Variants in MAN2A1 observed in about 807,000 individuals in gnomAD.
MAN2A1 encodes alpha-mannosidase 2.
Under a neutral mutation model 142.6 loss-of-function variants are expected in MAN2A1, and 76 were observed. The observed-to-expected ratio is 0.53, with a 90% CI of 0.44 to 0.65. MAN2A1 has a LOEUF of 0.65. Ranked by LOEUF, MAN2A1 falls within the 30% of genes least tolerant of loss-of-function variation. The pLI, the probability that MAN2A1 is intolerant of heterozygous loss-of-function variation, is 0.00. For synonymous variants in MAN2A1, 559 were observed against 473.2 expected (o/e 1.18, Z -2.35); for missense variants, 1,311 against 1,365.1 (o/e 0.96, Z 0.62).
At chr5:109,749,934 T>C (rs1353007017) in intron 4 of MAN2A1, among the ~76,000 whole-genome samples, 1 of 152,074 alleles carries the variant, frequency 6.6e-6, no homozygotes, top group East Asian at 1.9e-4. Flanking sequence ...GTCTTGAATG[T>C]ACAGCTACAA....
chr5:109,766,238 TG>T (rs2112644161), intron 5 of MAN2A1, among the ~76,000 whole-genome samples: 1 of 152,300 alleles, frequency 6.6e-6, no homozygotes, highest in Non-Finnish European at 1.5e-5. Flanking sequence ...GTGAAAATTC[TG>T]GCTCCCTTGT....
intron 8 of MAN2A1, among the ~76,000 whole-genome samples, 190 bp downstream of exon 8, chr5:109,775,155 C>A (rs907715919): frequency 6.6e-6 from 1 of 152,066 alleles, no homozygotes; most frequent in Admixed American, 6.6e-5. Flanking sequence ...AAAGTTGTCC[C>A]GTTCCTAACA....
At chr5:109,801,546 A>G (rs374876188) in intron 12 of MAN2A1, among the ~76,000 whole-genome samples, 3 of 152,126 alleles carry the variant, frequency 2.0e-5, no homozygotes, top group Admixed American at 6.6e-5. Context: ...GGAGAAAGAG[A>G]TAATGGTTGT....
chr5:109,839,244 A>G (rs1755135513), intron 16 of MAN2A1, among the ~76,000 whole-genome samples: 2 of 152,176 alleles, frequency 1.3e-5, no homozygotes, highest in Non-Finnish European at 2.9e-5. Flanking sequence ...TTAAAATTCC[A>G]TATACATTTC....
intron 1 of MAN2A1, among the ~76,000 whole-genome samples, chr5:109,691,462 A>G (rs901513618): frequency 1.3e-5 from 2 of 152,246 alleles, no homozygotes; most frequent in Non-Finnish European, 2.9e-5. Flanking sequence ...GAAGAACTCA[A>G]ACCCTGACAG....
At position 109,770,413 on chromosome 5, in the gene MAN2A1, C is replaced by G; in HGVS notation, c.1068C>G (p.Ile356Met). 6.2e-7 allele frequency: 1 copy of G among 1,613,986 alleles called. No individual in the cohort carries two copies. Among genetic ancestry groups the G allele is most frequent in the Non-Finnish European group, 8.5e-7 (1 of 1,179,876 alleles). Reference protein sequence around the residue: ...CHMMPFYSYDIPHTCGPDPKI... With the variant: ...CHMMPFYSYDMPHTCGPDPKI... ...TGATGCCCTTCTACAGCTATGACAT[C>G]CCTCACACTTGTGGACCTGATCCTA... Residue 356 changes from isoleucine (I) to methionine (M), a missense_variant, in exon 7 of 22, where the codon ATC becomes ATG. Around this residue, in one of 3 missense-constraint regions of MAN2A1, gnomAD observed 12 missense variants for 31.9 expected, o/e 0.38. Coordinates refer to ENST00000261483, the MANE Select transcript of MAN2A1 (RefSeq NM_002372.4).
intron 4 of MAN2A1, among the ~76,000 whole-genome samples, chr5:109,740,206 A>G (rs1309708673): frequency 1.3e-5 from 2 of 152,206 alleles, no homozygotes; most frequent in African/African-American, 4.8e-5. Context: ...GGAGAATTAC[A>G]TCCTGCAAGA....
At chr5:109,780,100 C>T (rs1165341136) in intron 8 of MAN2A1, among the ~76,000 whole-genome samples, 1 of 152,142 alleles carries the variant, frequency 6.6e-6, no homozygotes, top group Non-Finnish European at 1.5e-5. Flanking sequence ...CTCTGTCACC[C>T]AGGCTGGAAT....
chr5:109,774,800 A>G lies in MAN2A1; in HGVS notation c.1209A>G (p.Leu403=), dbSNP rs1234413481. 2 of 1,611,204 alleles carry G rather than the reference A, an allele frequency of 1.2e-6. No homozygotes were observed. The highest frequency in any genetic ancestry group is 2.2e-5 in the East Asian group (1 of 44,714). Residue 403 remains leucine (L), a synonymous_variant, in exon 8 of 22, where the codon CTA becomes CTG. Coordinates refer to ENST00000261483, the MANE Select transcript of MAN2A1 (RefSeq NM_002372.4). Reference sequence around the variant, plus strand: ...GTTTTTTTTGTAGGGCTCGGATGCTACTAGATCAGTACCGAAAGAAGTCAA... The same window carrying G: ...GTTTTTTTTGTAGGGCTCGGATGCTGCTAGATCAGTACCGAAAGAAGTCAA... The part of the protein sequence containing the change: ...PGNVQSRARM[L]LDQYRKKSKL...
chr5:109,764,728 A>T (rs753907283), intron 5 of MAN2A1, among the ~76,000 whole-genome samples: 1 of 152,204 alleles, frequency 6.6e-6, no homozygotes, highest in Non-Finnish European at 1.5e-5. Flanking sequence ...TATAATTGTT[A>T]AATTGAATGG....
intron 19 of MAN2A1, among the ~76,000 whole-genome samples, chr5:109,851,677 A>G (rs1755486036): frequency 6.6e-6 from 1 of 152,110 alleles, no homozygotes; most frequent in African/African-American, 2.4e-5. Context: ...GCAGCAGAAA[A>G]TGGACTAAAA....
chr5:109,794,036 A>T (rs1462248244), intron 12 of MAN2A1: 1 of 152,190 alleles, frequency 6.6e-6, no homozygotes, highest in African/African-American at 2.4e-5. Flanking sequence ...AATATCTAAT[A>T]TCTCTACCAG....
intron 12 of MAN2A1, among the ~76,000 whole-genome samples, chr5:109,798,377 C>A (rs1753918984): frequency 6.6e-6 from 1 of 152,204 alleles, no homozygotes; most frequent in African/African-American, 2.4e-5. Context: ...AGAAAAGTCT[C>A]CTAAGTTCTA....
chr5:109,831,963 T>C (rs1243362655), intron 16 of MAN2A1, among the ~76,000 whole-genome samples: 3 of 151,804 alleles, frequency 2.0e-5, no homozygotes, highest in Non-Finnish European at 2.9e-5. Flanking sequence ...TTTAATAATT[T>C]TATTTTATAA....
intron 4 of MAN2A1, among the ~76,000 whole-genome samples, chr5:109,739,075 C>T (rs1752191726): frequency 6.6e-6 from 1 of 152,106 alleles, no homozygotes; most frequent in Non-Finnish European, 1.5e-5. Flanking sequence ...CCCTTGGGCC[C>T]AAGTGATCCA....
intron 4 of MAN2A1, among the ~76,000 whole-genome samples, chr5:109,754,004 G>A (rs576353311): frequency 1.1e-4 from 17 of 149,806 alleles, no homozygotes; most frequent in Admixed American, 7.9e-4. Flanking sequence ...AAACTCACAG[G>A]CTCAAGCAAT....
intron 17 of MAN2A1, among the ~76,000 whole-genome samples, chr5:109,844,979 G>A (rs2112761239): frequency 6.6e-6 from 1 of 152,314 alleles, no homozygotes. Flanking sequence ...AGTAATTTGA[G>A]GGAGACATTG....
intron 3 of MAN2A1, among the ~76,000 whole-genome samples, chr5:109,725,302 A>G (rs896824695): frequency 2.6e-5 from 4 of 152,140 alleles, no homozygotes; most frequent in Non-Finnish European, 5.9e-5. Context: ...GTATGGGGAG[A>G]GCCAGCCTGT....
chr5:109,832,934 G>A lies in MAN2A1; in HGVS notation c.2566+9097G>A, dbSNP rs1371208019. 6.6e-5 allele frequency among the ~76,000 whole-genome samples: 10 copies of A among 151,068 alleles called. No individual in the cohort carries two copies. The South Asian group carries it at 1.7e-3, about 25-fold the overall frequency. ...TCAGATGGGGCGGCAGGGCAGAGAC[G>A]CTCCTCACCTCCCAGACGGGGTGGC... On this transcript the variant is annotated intron_variant, in intron 16 of 21. Transcript: ENST00000261483.
Sources: gnomAD v4.1 joint callset for allele counts (sites outside exome capture counted in the v4.1 genomes callset) on GRCh38, gnomAD v4.1.1 for gene constraint, gnomAD v4.1.1 regional missense constraint, MANE v1.5 for transcripts, NCBI Gene and HGNC (gene_info 2026-07-23, HGNC 2026-07-21) for gene names.